The following BUB1 variants were observed in gnomAD, a reference collection of about 807,000 sequenced individuals.
BUB1 encodes mitotic checkpoint serine/threonine-protein kinase BUB1.
In BUB1, 84 loss-of-function variants were observed where a neutral mutation model predicts 135.2. The ratio of observed to expected loss-of-function variants is 0.62; its 90% CI spans 0.52 to 0.74. The LOEUF is 0.74. Ranked by LOEUF, BUB1 falls within the 30% of genes least tolerant of loss-of-function variation. The probability of loss-of-function intolerance (pLI) is 0.00; values close to 1 mark genes in which losing one functional copy is unlikely to be tolerated. For synonymous variants in BUB1, 403 were observed against 434.4 expected (o/e 0.93, Z 0.90); for missense variants, 1,162 against 1,288.3 (o/e 0.90, Z 1.50).
chr2:110,677,662 T>C (rs557564067), intron 1 of BUB1, among the ~76,000 whole-genome samples: 3 of 152,296 alleles, frequency 2.0e-5, no homozygotes, highest in African/African-American at 4.8e-5. Context: ...TTTTGTTAGG[T>C]TGAACTGTCA....
chr2:110,658,302 A>G, intron 13 of BUB1, 108 bp downstream of exon 13: 4 of 821,036 alleles, frequency 4.9e-6, no homozygotes, highest in Non-Finnish European at 7.6e-6. Context: ...CCCTGCCTTT[A>G]TGTGACAAGC....
intron 17 of BUB1, among the ~76,000 whole-genome samples, chr2:110,652,302 C>T (rs1689808061): frequency 6.6e-6 from 1 of 152,248 alleles, no homozygotes; most frequent in Admixed American, 6.5e-5. Context: ...TCTCATACTG[C>T]AAACAAGTAT....
intron 6 of BUB1, among the ~76,000 whole-genome samples, chr2:110,668,206 AT>A (rs201876239): frequency 3.6e-4 from 54 of 150,234 alleles, no homozygotes; most frequent in African/African-American, 1.2e-3. Context: ...ACTGCTGCTA[AT>A]TTTTTTTTTA....
intron 9 of BUB1, among the ~76,000 whole-genome samples, chr2:110,664,712 C>T (rs961134481): frequency 6.6e-6 from 1 of 151,194 alleles, no homozygotes; most frequent in Admixed American, 6.6e-5. Context: ...TTAACAATTT[C>T]TTGCAACTAT....
intron 19 of BUB1, among the ~76,000 whole-genome samples, chr2:110,644,058 C>CAAAAAAAAAAAAAAAAAAAAAAAAA (rs58393999): frequency 2.5e-5 from 1 of 39,686 alleles, no homozygotes; most frequent in Non-Finnish European, 4.3e-5. Flanking sequence ...AACTGAAATG[C>CAAAAAAAAAAAAAAAAAAAAAAAAA]AAAAAAAAAA....
In BUB1 at chr2:110,670,519, T is replaced by C. The variant is rs908953239; in HGVS notation, c.466+6A>G. The C allele has an allele frequency of 1.2e-6, 2 of 1,613,790 alleles. No homozygotes were observed. The highest frequency in any genetic ancestry group is 2.7e-5 in the African/African-American group (2 of 74,912). ...ACAACAGGCATTTTAGAAAGCCTGATTTTACCTTGAGCTGGCAAATGGGTT... is the reference window on the plus strand; with the variant it reads ...ACAACAGGCATTTTAGAAAGCCTGACTTTACCTTGAGCTGGCAAATGGGTT... On this transcript the variant is annotated splice_donor_region_variant and intron_variant, in intron 5 of 24. Transcript: ENST00000302759.
rs772142065 is a variant in BUB1 at position 110,641,312 on chromosome 2, T to G, written c.2778A>C (p.Gly926=). ...GDIKPDNFIL[G]NGFLEQDDED... ...GTTAAAAGCATAACACTTGCCCGTTTCCAAGTATGAAATTGTCTGGTTTAA... is the reference window on the plus strand; with the variant it reads ...GTTAAAAGCATAACACTTGCCCGTTGCCAAGTATGAAATTGTCTGGTTTAA... The change falls in exon 22 of 25, where the codon GGA becomes GGC. Residue 926 remains glycine (G), a synonymous_variant. Transcript: ENST00000302759. 2.2e-5 allele frequency: 36 copies of G among 1,606,108 alleles called. No homozygotes were observed. Among genetic ancestry groups the G allele is most frequent in the Non-Finnish European group, 2.9e-5 (34 of 1,175,980 alleles).
Position 110,663,295 on chromosome 2 carries a change from T to G in BUB1, c.958-1454A>C, listed in dbSNP as rs561945345. Reference sequence around the variant, plus strand: ...ATTCCGTCTCAAAAAAAAAGAAAGTTGTAGTAAATACACCTATGAAATGAT... The same window carrying G: ...ATTCCGTCTCAAAAAAAAAGAAAGTGGTAGTAAATACACCTATGAAATGAT... On this transcript the variant is annotated intron_variant, in intron 9 of 24. Coordinates refer to ENST00000302759, the MANE Select transcript of BUB1 (RefSeq NM_004336.5). Among the ~76,000 whole-genome samples, 7 of 152,132 alleles carry G rather than the reference T, an allele frequency of 4.6e-5. No homozygotes were observed. The South Asian group carries it at 1.5e-3, about 32-fold the overall frequency.
At position 110,672,831 on chromosome 2, in the gene BUB1, T is replaced by C. The variant is rs773105945; in HGVS notation, c.252A>G (p.Gln84=). The C allele has an allele frequency of 2.5e-5, 41 of 1,608,520 alleles. No individual in the cohort carries two copies. In the East Asian group the frequency reaches 2.9e-4, roughly 11 times the overall value. The change falls in exon 4 of 25, where the codon CAA becomes CAG. Residue 84 remains glutamine, a synonymous_variant. Transcript: ENST00000302759. ...CATGGTTGTACAGAAACTCAAAAAA[T>C]TGATGGAGGTCACTGTTGTACTCAG... is the stretch of plus-strand genomic sequence containing the variant. ...KFAEYNSDLH[Q]FFEFLYNHGI...
intron 19 of BUB1, among the ~76,000 whole-genome samples, chr2:110,645,705 G>A (rs1045067678): frequency 6.6e-6 from 1 of 151,900 alleles, no homozygotes; most frequent in Non-Finnish European, 1.5e-5. Context: ...GGGACTTACA[G>A]GCACGTGTTG....
In BUB1 at chr2:110,674,361, GCATC is replaced by G. The variant is rs1375796239; in HGVS notation, c.27_30del (p.Gln9HisfsTer25). The G allele has an allele frequency of 1.2e-6, 2 of 1,613,740 alleles. No homozygotes were observed. Among genetic ancestry groups the G allele is most frequent in the Non-Finnish European group, 1.7e-6 (2 of 1,179,902 alleles). On this transcript the variant is annotated frameshift_variant and splice_region_variant, in exon 2 of 25. Coordinates refer to ENST00000302759, the MANE Select transcript of BUB1 (RefSeq NM_004336.5). LOFTEE classifies it high-confidence loss of function. The stretch of plus-strand genomic sequence containing the variant: ...TTGTAGCTCTGCATGTGGGCTTCAA[GCATC>G]CTAGAAGAGAGAAAGGTATGCACAT...
chr2:110,649,326 G>C lies in BUB1; in HGVS notation c.2255C>G (p.Ser752Cys). The C allele has an allele frequency of 1.9e-6, 3 of 1,576,288 alleles. No individual in the cohort carries two copies. In the South Asian group the frequency reaches 3.5e-5, roughly 18 times the overall value. ...GGAACTCACTGGTTTAGAAAGCCCA[G>C]ATAAAAGTTTGAAAATCAGCTTATC... ...WDDKLIFKLLSGLSKPVSSYP... is the reference protein window; with the variant it reads ...WDDKLIFKLLCGLSKPVSSYP... The change falls in exon 19 of 25, where the codon TCT becomes TGT. Residue 752 changes from serine (S) to cysteine (C), a missense_variant. Physicochemically the swap from Ser to Cys is moderately radical, Grantham distance 112. Transcript: ENST00000302759.
In BUB1 at chr2:110,667,816, A is replaced by G. The variant is rs773418159; in HGVS notation, c.601T>C (p.Cys201Arg). The part of the protein sequence containing the change: ...SELSGVISSA[C>R]DKESNMERRV... Reference sequence around the variant, plus strand: ...ACTTGCATATTTGACTCTTTATCACAAGCTGAAGATATCACTCCAGAAAGC... The same window carrying G: ...ACTTGCATATTTGACTCTTTATCACGAGCTGAAGATATCACTCCAGAAAGC... Residue 201 changes from cysteine to arginine, a missense_variant, in exon 7 of 25, where the codon TGT becomes CGT. Cys to Arg is a radical substitution (Grantham distance 180). Transcript: ENST00000302759. 3 of 1,613,498 alleles carry G rather than the reference A, an allele frequency of 1.9e-6. No homozygotes were observed. In the Admixed American group the frequency reaches 5.0e-5, roughly 27 times the overall value.
chr2:110,660,008 T>G lies in BUB1; in HGVS notation c.1246A>C (p.Lys416Gln). Residue 416 changes from lysine (K) to glutamine (Q), a missense_variant, in exon 11 of 25, where the codon AAG (lysine) becomes CAG (glutamine). Physicochemically the swap from Lys to Gln is moderately conservative, Grantham distance 53 (BLOSUM62 1). Coordinates refer to ENST00000302759, the MANE Select transcript of BUB1 (RefSeq NM_004336.5). ...TTGATCTCTGCTCCACTCTGTGGCTTGAATTCATGAGTACTCTTATTCACA... is the reference window on the plus strand; with the variant it reads ...TTGATCTCTGCTCCACTCTGTGGCTGGAATTCATGAGTACTCTTATTCACA... Reference protein sequence around the residue: ...GCVNKSTHEFKPQSGAEIKEG... With the variant: ...GCVNKSTHEFQPQSGAEIKEG... 6.2e-7 allele frequency: 1 copy of G among 1,611,886 alleles called. No homozygotes were observed. The highest frequency in any genetic ancestry group is 8.5e-7 in the Non-Finnish European group (1 of 1,178,162).
rs1690080222 is a variant in BUB1, at chr2:110,661,462, A to G, written c.1217+120T>C. The G allele has an allele frequency of 3.9e-6, 5 of 1,293,292 alleles. No homozygotes were observed. In the African/African-American group the frequency reaches 6.0e-5, roughly 15 times the overall value. 80.1% of individuals were successfully genotyped at this position (1,293,292 alleles called of 1,614,324 possible). On this transcript the variant is annotated intron_variant, in intron 10 of 24. Coordinates refer to ENST00000302759, the MANE Select transcript of BUB1 (RefSeq NM_004336.5). ...TGCTTTTTCAACAACATACCTATCT[A>G]AAAATAAAAGGCAGACATCATTCAT...
At chr2:110,673,975 T>G (rs543055983) in intron 3 of BUB1, 111 bp downstream of exon 3, 1 of 895,774 alleles carries the variant, frequency 1.1e-6, no homozygotes, top group East Asian at 2.7e-5. Context: ...CTCTGTATCT[T>G]CAGAACTAGA....
chr2:110,649,348 TATCATCCCATGGGTTCCCA>T lies in BUB1; in HGVS notation c.2214_2232del (p.Gly739SerfsTer2), dbSNP rs1264786712. 1.2e-6 allele frequency: 2 copies of T among 1,605,804 alleles called. No individual in the cohort carries two copies. Among genetic ancestry groups the T allele is most frequent in the Non-Finnish European group, 8.5e-7 (1 of 1,176,280 alleles). Reference sequence around the variant, plus strand: ...CCAGATAAAAGTTTGAAAATCAGCTTATCATCCCATGGGTTCCCAACAATGAAGTCTTAAAGGAATGAGA... The same window carrying T: ...CCAGATAAAAGTTTGAAAATCAGCTTACAATGAAGTCTTAAAGGAATGAGA... On this transcript the variant is annotated frameshift_variant, in exon 19 of 25. Transcript: ENST00000302759. LOFTEE classifies it high-confidence loss of function.
Position 110,637,738 on chromosome 2 carries a change from A to G in BUB1, c.*226T>C, listed in dbSNP as rs1689401046. On this transcript the variant is annotated 3_prime_UTR_variant, in exon 25 of 25. Transcript: ENST00000302759. The stretch of plus-strand genomic sequence containing the variant: ...GAATGCTCATGTCTGAATTATTCTC[A>G]CAAATGCTTGCATCCCAGAAGCAGC... 1 of 360,566 alleles carries G rather than the reference A, an allele frequency of 2.8e-6. No homozygotes were observed. The highest frequency in any genetic ancestry group is 4.9e-6 in the Non-Finnish European group (1 of 203,678). The allele number at this position is 360,566 out of a possible 1,614,324, so 22.3% of individuals were successfully genotyped here.
chr2:110,668,950 A>G lies in BUB1; in HGVS notation c.567+503T>C, dbSNP rs987220706. Among the ~76,000 whole-genome samples the G allele has an allele frequency of 4.6e-5, 7 of 152,250 alleles. No homozygotes were observed. The East Asian group carries it at 1.3e-3, about 29-fold the overall frequency. ...TTGGCGCTAGAGTGAACCTGGAAAC[A>G]TAAGAGATACACAAAACATAAAGAG... On this transcript the variant is annotated intron_variant, in intron 6 of 24. Coordinates refer to ENST00000302759, the MANE Select transcript of BUB1 (RefSeq NM_004336.5).
Sources: gnomAD v4.1 joint callset for allele counts (sites outside exome capture counted in the v4.1 genomes callset) on GRCh38, gnomAD v4.1.1 for gene constraint, MANE v1.5 for transcripts, NCBI Gene and HGNC (gene_info 2026-07-23, HGNC 2026-07-21) for gene names.